TMPRSS11B: variants seen among roughly 807,000 people sequenced by gnomAD.
The protein encoded by TMPRSS11B is transmembrane serine protease 11B.
In TMPRSS11B, 53 loss-of-function variants were observed where a neutral mutation model predicts 44.7. The ratio of observed to expected loss-of-function variants is 1.19; its 90% CI spans 0.95 to 1.49. TMPRSS11B has a LOEUF of 1.49. Ranked by LOEUF, TMPRSS11B falls within the 40% of genes most tolerant of loss-of-function variation. The pLI is 0.00. For synonymous variants in TMPRSS11B, 140 were observed against 159.2 expected, an observed-to-expected ratio of 0.88 and a Z score of 0.91; for missense variants, 526 against 494.8, an observed-to-expected ratio of 1.06 and a Z score of -0.60.
chr4:68,235,002 G>A (rs1367559820), intron 4 of TMPRSS11B, among the ~76,000 whole-genome samples: 1 of 152,082 alleles, frequency 6.6e-6, no homozygotes, highest in Non-Finnish European at 1.5e-5. Flanking sequence ...AGAAAATAAA[G>A]ATAGGGCAGG....
intron 7 of TMPRSS11B, 60 bp from the exon 8 acceptor site, chr4:68,229,576 T>C (rs904816184): frequency 2.0e-6 from 3 of 1,468,040 alleles, no homozygotes; most frequent in African/African-American, 1.4e-5. Flanking sequence ...CTGTTCTTAG[T>C]GGTGATTATC....
intron 1 of TMPRSS11B, among the ~76,000 whole-genome samples, chr4:68,244,209 G>A (rs760539764): frequency 1.7e-4 from 26 of 152,182 alleles, no homozygotes; most frequent in Non-Finnish European, 3.2e-4. Context: ...TGCATTACAA[G>A]ATGAATCCCT....
intron 5 of TMPRSS11B, 80 bp downstream of exon 5, chr4:68,234,383 A>C: frequency 6.9e-7 from 1 of 1,454,632 alleles, no homozygotes; most frequent in Non-Finnish European, 9.3e-7. Flanking sequence ...TAAAACTCTT[A>C]GTTCACTTTT....
chr4:68,231,804 A>G (rs1719524026), intron 6 of TMPRSS11B: 1 of 155,690 alleles, frequency 6.4e-6, no homozygotes, highest in African/African-American at 2.4e-5. Flanking sequence ...ATGATACTCT[A>G]AAGAGAATTT....
chr4:68,236,668 C>T (rs1719676956), intron 2 of TMPRSS11B, among the ~76,000 whole-genome samples: 1 of 152,120 alleles, frequency 6.6e-6, no homozygotes, highest in Non-Finnish European at 1.5e-5. Flanking sequence ...AACAGCAATG[C>T]CCACAGTCAC....
At position 68,231,242 on chromosome 4, in the gene TMPRSS11B, C is replaced by A; in HGVS notation, c.647G>T (p.Ser216Ile). 1 of 1,612,948 alleles carries A rather than the reference C, an allele frequency of 6.2e-7. No individual in the cohort carries two copies. The highest frequency in any genetic ancestry group is 8.5e-7 in the Non-Finnish European group (1 of 1,179,674). Residue 216 changes from serine (S) to isoleucine (I), a missense_variant, in exon 7 of 10, where the codon AGC becomes ATC. Ser to Ile is a moderately radical substitution (Grantham distance 142, BLOSUM62 -2). Transcript: ENST00000332644. ...GRHYCGASLISSRWLLSAAHC... is the reference protein window; with the variant it reads ...GRHYCGASLIISRWLLSAAHC... ...AGCTGCAGATAATAGCCACCTGCTG[C>A]TGATCAGAGAGGCTCCACAGTAGTG...
At position 68,241,718 on chromosome 4, in the gene TMPRSS11B, A is replaced by G; in HGVS notation, c.95T>C (p.Ile32Thr). The G allele has an allele frequency of 6.2e-7, 1 of 1,612,924 alleles. No homozygotes were observed. Among genetic ancestry groups the G allele is most frequent in the Non-Finnish European group, 8.5e-7 (1 of 1,179,154 alleles). Residue 32 changes from isoleucine to threonine, a missense_variant, in exon 2 of 10, where the codon ATT becomes ACT. Transcript: ENST00000332644. ...LGVAAILGVT[I>T]GLLVHFLAVE... Reference sequence around the variant, plus strand: ...TGCCAGAAAATGAACAAGAAGACCAATGGTTACTCCCAAGATTGCCGCCAC... The same window carrying G: ...TGCCAGAAAATGAACAAGAAGACCAGTGGTTACTCCCAAGATTGCCGCCAC...
At position 68,227,942 on chromosome 4, in the gene TMPRSS11B, C is replaced by A; in HGVS notation, c.1220G>T (p.Arg407Leu). 1.9e-6 allele frequency: 3 copies of A among 1,611,502 alleles called. No homozygotes were observed. Among genetic ancestry groups the A allele is most frequent in the Non-Finnish European group, 2.5e-6 (3 of 1,179,056 alleles). ...PGVYTRVTSYRNWITSKTGL is the reference protein window; with the variant it reads ...PGVYTRVTSYLNWITSKTGL ...TCCAGTCTTGGATGTAATCCAATTGCGATAAGAAGTCACTCGAGTATAGAC... is the reference window on the plus strand; with the variant it reads ...TCCAGTCTTGGATGTAATCCAATTGAGATAAGAAGTCACTCGAGTATAGAC... Residue 407 changes from arginine to leucine, a missense_variant, in exon 10 of 10, where the codon CGC becomes CTC. Physicochemically the swap from Arg to Leu is moderately radical, Grantham distance 102. Transcript: ENST00000332644.
intron 8 of TMPRSS11B, 69 bp downstream of exon 8, chr4:68,229,188 T>C (rs1719436463): frequency 1.6e-6 from 2 of 1,256,980 alleles, no homozygotes; most frequent in Non-Finnish European, 2.2e-6. Flanking sequence ...GGATGATTGA[T>C]TGATTGATTG....
intron 8 of TMPRSS11B, 150 bp downstream of exon 8, chr4:68,229,107 G>T: frequency 1.0e-6 from 1 of 958,308 alleles, no homozygotes; most frequent in Non-Finnish European, 1.5e-6. Context: ...AAGACAATTT[G>T]ACATCATGCT....
At chr4:68,240,985 C>A (rs1008497311) in intron 2 of TMPRSS11B, among the ~76,000 whole-genome samples, 1 of 152,030 alleles carries the variant, frequency 6.6e-6, no homozygotes, top group Admixed American at 6.6e-5. Context: ...TGGTATCAAG[C>A]AAGTCACTTT....
At position 68,241,778 on chromosome 4, in the gene TMPRSS11B, C is replaced by G; in HGVS notation, c.35G>C (p.Trp12Ser). Residue 12 changes from tryptophan (W) to serine (S), a missense_variant, in exon 2 of 10, where the codon TGG becomes TCG. Transcript: ENST00000332644. ...AATAAAGATCGTAGTCCATAGTGGCCAAGATCTTTGGGAAGATATGCCGTG... is the reference window on the plus strand; with the variant it reads ...AATAAAGATCGTAGTCCATAGTGGCGAAGATCTTTGGGAAGATATGCCGTG... Reference protein sequence around the residue: ...YRHGISSQRSWPLWTTIFIFL... With the variant: ...YRHGISSQRSSPLWTTIFIFL... 1 of 1,612,752 alleles carries G rather than the reference C, an allele frequency of 6.2e-7. No individual in the cohort carries two copies. The highest frequency in any genetic ancestry group is 8.5e-7 in the Non-Finnish European group (1 of 1,179,230).
At chr4:68,241,035 ATAG>A (rs1719807232) in intron 2 of TMPRSS11B, among the ~76,000 whole-genome samples, 1 of 152,150 alleles carries the variant, frequency 6.6e-6, no homozygotes, top group Admixed American at 6.6e-5. Context: ...GAAAATAAGG[ATAG>A]TAGTAAAATC....
Position 68,235,908 on chromosome 4 carries a change from G to C in TMPRSS11B, c.308+94C>G, listed in dbSNP as rs1203529452. 7.2e-6 allele frequency: 4 copies of C among 554,860 alleles called. No homozygotes were observed. In the East Asian group the frequency reaches 1.3e-4, roughly 18 times the overall value. The allele number at this position is 554,860 out of a possible 1,614,324, so 34.4% of individuals were successfully genotyped here. On this transcript the variant is annotated intron_variant, in intron 4 of 9. Coordinates refer to ENST00000332644, the MANE Select transcript of TMPRSS11B (RefSeq NM_182502.3). ...TTCCTTTGTTTCTCTTTTTCTTTAT[G>C]TTTGTTTTTTGTTGTTATTGTTATC...
intron 2 of TMPRSS11B, 59 bp from the exon 3 acceptor site, chr4:68,236,325 C>T (rs570569271): frequency 1.1e-4 from 113 of 1,013,818 alleles, no homozygotes; most frequent in East Asian, 5.1e-4. Flanking sequence ...GACTTTAAAG[C>T]GATTTATACC....
chr4:68,236,407 C>A (rs1719668780), intron 2 of TMPRSS11B, 141 bp from the exon 3 acceptor site: 7 of 598,212 alleles, frequency 1.2e-5, no homozygotes, highest in Non-Finnish European at 2.1e-5. Context: ...TATACCTCTG[C>A]CTTAACATTT....
At chr4:68,242,222 ATATT>A (rs1458327907) in intron 1 of TMPRSS11B, among the ~76,000 whole-genome samples, 806 of 7,442 alleles carry the variant, frequency 0.11, 42 homozygotes, top group African/African-American at 0.16. Flanking sequence ...ATATAATATT[ATATT>A]ATATTATATA....
intron 2 of TMPRSS11B, among the ~76,000 whole-genome samples, chr4:68,237,172 G>A (rs1026538563): frequency 6.6e-6 from 1 of 152,036 alleles, no homozygotes; most frequent in African/African-American, 2.4e-5. Context: ...TCCCACTTAT[G>A]AGTGAGAACA....
intron 2 of TMPRSS11B, among the ~76,000 whole-genome samples, chr4:68,237,789 G>A (rs1719715240): frequency 6.6e-6 from 1 of 152,176 alleles, no homozygotes; most frequent in Admixed American, 6.5e-5. Flanking sequence ...GTCAAGTTGG[G>A]AGGACTGCTT....
Sources: gnomAD v4.1 joint callset for allele counts (sites outside exome capture counted in the v4.1 genomes callset) on GRCh38, gnomAD v4.1.1 for gene constraint, MANE v1.5 for transcripts, NCBI Gene and HGNC (gene_info 2026-07-23, HGNC 2026-07-21) for gene names.